Variants in DYNC2I2 observed in about 807,000 individuals in gnomAD.
The protein encoded by DYNC2I2 is dynein 2 intermediate chain 2, also known as cytoplasmic dynein 2 intermediate chain 2.
Under a neutral mutation model 52.0 loss-of-function variants are expected in DYNC2I2, and 39 were observed. The ratio of observed to expected loss-of-function variants is 0.75; its 90% CI spans 0.58 to 0.98. The LOEUF (loss-of-function observed/expected upper bound fraction) is 0.98. Ranked by LOEUF, DYNC2I2 falls within the 50% of genes least tolerant of loss-of-function variation. The pLI is 0.00. For synonymous variants in DYNC2I2, 359 were observed against 321.1 expected (o/e 1.12, Z -1.26); for missense variants, 743 against 728.4 (o/e 1.02, Z -0.23).
the DYNC2I2 span, among the ~76,000 whole-genome samples, chr9:128,682,064 C>CT: frequency 0.013 from 1,777 of 141,944 alleles, 25 homozygotes; most frequent in African/African-American, 0.029. Context: ...CAGAGTGAGA[C>CT]TTTTTTTTTT....
the DYNC2I2 span, among the ~76,000 whole-genome samples, chr9:128,670,223 G>A: frequency 6.6e-6 from 1 of 152,084 alleles, no homozygotes; most frequent in Admixed American, 6.6e-5. Flanking sequence ...CGGATCACCG[G>A]AAGTCAGGAG....
chr9:128,646,024 GAAGAA>G (rs1860611323), intron 1 of DYNC2I2, among the ~76,000 whole-genome samples: 1 of 152,190 alleles, frequency 6.6e-6, no homozygotes, highest in African/African-American at 2.4e-5. Flanking sequence ...GGAAGCTGCA[GAAGAA>G]AAGTGTGAAG....
At chr9:128,658,039 G>C (rs1276034551), upstream of DYNC2I2, among the ~76,000 whole-genome samples, 3 of 152,042 alleles carry the variant, frequency 2.0e-5, no homozygotes, top group Non-Finnish European at 4.4e-5. Context: ...GCTGCAGAGA[G>C]CCCTGATTGA....
At chr9:128,656,478 G>A (rs187392767) in intron 1 of DYNC2I2, 63 bp downstream of exon 1, 2 of 1,190,364 alleles carry the variant, frequency 1.7e-6, no homozygotes, top group African/African-American at 1.8e-5. Context: ...GAACCCGCCC[G>A]GCAGCCGCGC....
intron 1 of DYNC2I2, among the ~76,000 whole-genome samples, chr9:128,644,094 T>G (rs1226912737): frequency 1.3e-5 from 2 of 152,164 alleles, no homozygotes; most frequent in African/African-American, 4.8e-5. Context: ...ACAGTGCCAG[T>G]TGGTAAGAGC....
Position 128,634,293 on chromosome 9 carries a change from G to C in DYNC2I2, c.1305C>G (p.Leu435=), listed in dbSNP as rs747646008. The C allele has an allele frequency of 4.3e-6, 7 of 1,613,802 alleles. No homozygotes were observed. Among genetic ancestry groups the C allele is most frequent in the South Asian group, 1.1e-5 (1 of 91,076 alleles). The change falls in exon 8 of 9, where the codon CTC becomes CTG. Residue 435 remains leucine (L), a synonymous_variant. Coordinates refer to ENST00000372715, the MANE Select transcript of DYNC2I2 (RefSeq NM_052844.4). The part of the protein sequence containing the change: ...APPLTSLQLS[L]KYLFAVRWSP... ...ACCAGCGCACAGCAAACAGATACTT[G>C]AGGGAGAGCTGCAGCGAAGTCAAGG... is the stretch of plus-strand genomic sequence containing the variant.
upstream of DYNC2I2, among the ~76,000 whole-genome samples, chr9:128,658,173 T>TC (rs1860871344): frequency 6.6e-6 from 1 of 151,850 alleles, no homozygotes; most frequent in African/African-American, 2.4e-5. Flanking sequence ...CTACTTTTTT[T>TC]TTTTTTTTTT....
chr9:128,634,813 G>A lies in DYNC2I2; in HGVS notation c.1090C>T (p.Leu364=), dbSNP rs765739645. The A allele has an allele frequency of 1.2e-6, 2 of 1,613,238 alleles. No individual in the cohort carries two copies. Among genetic ancestry groups the A allele is most frequent in the South Asian group, 2.2e-5 (2 of 91,006 alleles). Residue 364 remains leucine (L), a synonymous_variant, in exon 7 of 9, where the codon CTG becomes TTG. Coordinates refer to ENST00000372715, the MANE Select transcript of DYNC2I2 (RefSeq NM_052844.4). ...GTGAGGGCTGCCTCTCCAGCTGCCAGGGAACACTTGAGCGGGAAGCCGCCT... is the reference window on the plus strand; with the variant it reads ...GTGAGGGCTGCCTCTCCAGCTGCCAAGGAACACTTGAGCGGGAAGCCGCCT... The part of the protein sequence containing the change: ...TEGGFPLKCS[L]AAGEAALTRM...
At position 128,634,847 on chromosome 9, in the gene DYNC2I2, C is replaced by T. The variant is rs563674920; in HGVS notation, c.1056G>A (p.Leu352=). The T allele has an allele frequency of 6.2e-7, 1 of 1,613,546 alleles. No individual in the cohort carries two copies. Residue 352 remains leucine (L), a synonymous_variant, in exon 7 of 9, where the codon CTG becomes CTA. Transcript: ENST00000372715. ...TGAGCGGGAAGCCGCCTTCCGTGCC[C>T]AGAATGAACAGCCTAGGGTCAAAGC... ...FSSFDPRLFI[L]GTEGGFPLKC...
chr9:128,660,972 C>T (rs1028584190), upstream of DYNC2I2, among the ~76,000 whole-genome samples: 6 of 151,710 alleles, frequency 4.0e-5, no homozygotes, highest in Non-Finnish European at 7.4e-5. Context: ...TCAGGATCTG[C>T]GCACCTCAGC....
chr9:128,672,805 A>C, the DYNC2I2 span, among the ~76,000 whole-genome samples: 3 of 152,152 alleles, frequency 2.0e-5, no homozygotes, highest in African/African-American at 7.2e-5. Context: ...AGGCAGGCGG[A>C]TCACAAGGTC....
Position 128,640,350 on chromosome 9 carries a change from C to T in DYNC2I2, c.435+341G>A, listed in dbSNP as rs1026794854. Among the ~76,000 whole-genome samples the T allele has an allele frequency of 2.6e-5, 4 of 152,170 alleles. No homozygotes were observed. In the East Asian group the frequency reaches 7.7e-4, roughly 29 times the overall value. On this transcript the variant is annotated intron_variant, in intron 2 of 8. Transcript: ENST00000372715. Reference sequence around the variant, plus strand: ...AACTGTGCCTGGCCCAAAGAAGGCCCTCACTGCACCGTACATGGGGAGGCA... The same window carrying T: ...AACTGTGCCTGGCCCAAAGAAGGCCTTCACTGCACCGTACATGGGGAGGCA...
chr9:128,667,486 C>T, the DYNC2I2 span, among the ~76,000 whole-genome samples: 5 of 151,012 alleles, frequency 3.3e-5, no homozygotes, highest in South Asian at 2.1e-4. Flanking sequence ...CCACCACGCC[C>T]GGCTAATTTT....
At position 128,635,059 on chromosome 9, in the gene DYNC2I2, G is replaced by A. The variant is rs201533651; in HGVS notation, c.981+33C>T. 5.2e-5 allele frequency: 83 copies of A among 1,595,286 alleles called. No individual in the cohort carries two copies. The African/African-American group carries it at 7.8e-4, about 15-fold the overall frequency. Reference sequence around the variant, plus strand: ...CTTCCCACCCCCAAGGCTCACCGGCGCAGGCCAGGGCAGTTTCCGGGTGCC... The same window carrying A: ...CTTCCCACCCCCAAGGCTCACCGGCACAGGCCAGGGCAGTTTCCGGGTGCC... On this transcript the variant is annotated intron_variant, in intron 6 of 8. Coordinates refer to ENST00000372715, the MANE Select transcript of DYNC2I2 (RefSeq NM_052844.4).
At chr9:128,672,510 A>AG in the DYNC2I2 span, among the ~76,000 whole-genome samples, 1 of 152,056 alleles carries the variant, frequency 6.6e-6, no homozygotes, top group East Asian at 1.9e-4. Flanking sequence ...TAAAAAAAAA[A>AG]AAAAAGTTTA....
At chr9:128,644,932 C>T (rs1176059129) in intron 1 of DYNC2I2, among the ~76,000 whole-genome samples, 2 of 152,176 alleles carry the variant, frequency 1.3e-5, no homozygotes, top group Non-Finnish European at 2.9e-5. Flanking sequence ...CAAATTGTGC[C>T]TACATGAGAT....
At chr9:128,665,951 T>C in the DYNC2I2 span, among the ~76,000 whole-genome samples, 2 of 147,954 alleles carry the variant, frequency 1.4e-5, no homozygotes, top group African/African-American at 5.0e-5. Context: ...GGCGGGCGCC[T>C]GTAGTCCCAG....
At chr9:128,649,685 T>C (rs1362197051) in intron 1 of DYNC2I2, among the ~76,000 whole-genome samples, 1 of 29,854 alleles carries the variant, frequency 3.3e-5, no homozygotes, top group Admixed American at 5.9e-4. Context: ...TGAGACTCCA[T>C]CTCAAAAAAA....
the DYNC2I2 span, among the ~76,000 whole-genome samples, chr9:128,676,523 T>C: frequency 1.6e-5 from 2 of 122,866 alleles, no homozygotes; most frequent in South Asian, 2.7e-4. Flanking sequence ...TGAGGTCTTA[T>C]GTGTTTGAAT....
Sources: gnomAD v4.1 joint callset for allele counts (sites outside exome capture counted in the v4.1 genomes callset) on GRCh38, gnomAD v4.1.1 for gene constraint, MANE v1.5 for transcripts, NCBI Gene and HGNC (gene_info 2026-07-23, HGNC 2026-07-21) for gene names.